Variants in DGCR8 observed in about 807,000 individuals in gnomAD.
The protein encoded by DGCR8 is DGCR8 microprocessor complex subunit.
Under a neutral mutation model 78.5 loss-of-function variants are expected in DGCR8, and 14 were observed. The ratio of observed to expected loss-of-function variants is 0.18; its 90% CI spans 0.12 to 0.28. The LOEUF (loss-of-function observed/expected upper bound fraction) is 0.28, where lower values mean the gene tolerates loss of function less well. Ranked by LOEUF, DGCR8 falls within the 10% of genes least tolerant of loss-of-function variation. The probability of loss-of-function intolerance (pLI) is 1.00; values close to 1 mark genes in which losing one functional copy is unlikely to be tolerated. For synonymous variants in DGCR8, 399 were observed against 402.4 expected (o/e 0.99, Z 0.10); for missense variants, 702 against 1,022.5 (o/e 0.69, Z 4.28).
chr22:20,095,058 G>GTAC (rs1006691745), intron 9 of DGCR8, among the ~76,000 whole-genome samples: 280 of 152,264 alleles, frequency 1.8e-3, no homozygotes, highest in African/African-American at 6.6e-3. Flanking sequence ...TAAATGTCGG[G>GTAC]TACACATAGG....
chr22:20,107,702 G>T, intron 12 of DGCR8: 1 of 408,674 alleles, frequency 2.4e-6, no homozygotes, highest in Non-Finnish European at 4.6e-6. Flanking sequence ...GATGCTGAAG[G>T]TGCGCCCGGC....
intron 8 of DGCR8, among the ~76,000 whole-genome samples, chr22:20,093,766 C>T (rs954372694): frequency 1.1e-4 from 16 of 152,328 alleles, no homozygotes; most frequent in Non-Finnish European, 1.5e-4. Context: ...ATGCCCTTGC[C>T]GTTTGCATTC....
chr22:20,101,194 C>A (rs1040524725), intron 9 of DGCR8: 3 of 984,848 alleles, frequency 3.0e-6, no homozygotes, highest in Non-Finnish European at 3.6e-6. Flanking sequence ...GAGAGAAGAC[C>A]GTGTGTTTTT....
chr22:20,093,296 T>G (rs1184677752), intron 8 of DGCR8, among the ~76,000 whole-genome samples: 1 of 151,888 alleles, frequency 6.6e-6, no homozygotes, highest in African/African-American at 2.4e-5. Flanking sequence ...TCTCAGCTAC[T>G]CGGGAGGCTG....
At chr22:20,092,721 G>A in intron 7 of DGCR8, 88 bp from the exon 8 acceptor site, 1 of 1,158,624 alleles carries the variant, frequency 8.6e-7, no homozygotes, top group African/African-American at 1.5e-5. Flanking sequence ...GCCCCTGACT[G>A]CGCCTTGTCT....
Position 20,108,996 on chromosome 22 carries a change from A to G in DGCR8, c.2231A>G (p.Glu744Gly). The change falls in exon 13 of 14, where the codon GAG becomes GGG. Residue 744 changes from glutamate (E) to glycine (G), a missense_variant. Coordinates refer to ENST00000351989, the MANE Select transcript of DGCR8 (RefSeq NM_022720.7). ...CAAGAGGAGATGAAGAGGCTAGCTGAGGAAAGGGTGAGTGCCACCCTAGCG... is the reference window on the plus strand; with the variant it reads ...CAAGAGGAGATGAAGAGGCTAGCTGGGGAAAGGGTGAGTGCCACCCTAGCG... Reference protein sequence around the residue: ...KLQEEMKRLAEEREETRKKPK... With the variant: ...KLQEEMKRLAGEREETRKKPK... 6.3e-7 allele frequency: 1 copy of G among 1,586,488 alleles called. No individual in the cohort carries two copies. Among genetic ancestry groups the G allele is most frequent in the Non-Finnish European group, 8.7e-7 (1 of 1,155,586 alleles).
At position 20,107,408 on chromosome 22, in the gene DGCR8, C is replaced by T. The variant is rs767018245; in HGVS notation, c.2124+10C>T. The T allele has an allele frequency of 1.9e-6, 3 of 1,613,896 alleles. No individual in the cohort carries two copies. The South Asian group carries it at 3.3e-5, about 18-fold the overall frequency. Reference sequence around the variant, plus strand: ...CAAGATGGTCAAGCAGGTAACTGGCCATCAGCAGGTCCCAGGGCAGCCTGT... The same window carrying T: ...CAAGATGGTCAAGCAGGTAACTGGCTATCAGCAGGTCCCAGGGCAGCCTGT... On this transcript the variant is annotated intron_variant, in intron 12 of 13. Coordinates refer to ENST00000351989, the MANE Select transcript of DGCR8 (RefSeq NM_022720.7).
intron 1 of DGCR8, among the ~76,000 whole-genome samples, chr22:20,083,573 C>G (rs2049441909): frequency 6.6e-6 from 1 of 152,108 alleles, no homozygotes; most frequent in South Asian, 2.1e-4. Context: ...AACGTCTACT[C>G]TAGCTGCTTC....
At chr22:20,108,797 G>C in intron 12 of DGCR8, 93 bp from the exon 13 acceptor site, 1 of 250,784 alleles carries the variant, frequency 4.0e-6, no homozygotes, top group Non-Finnish European at 7.0e-6. Context: ...GGGCGCGCCT[G>C]CCTTCAGGGT....
rs946962233 is a variant in DGCR8, at chr22:20,111,350, C to T, written c.*1242C>T. On this transcript the variant is annotated 3_prime_UTR_variant, in exon 14 of 14. Transcript: ENST00000351989. The stretch of plus-strand genomic sequence containing the variant: ...TGTCCCCCACCATGCCCCCTACAGG[C>T]GGTACTGATGGCGCTTTTTTTTTTT... The T allele has an allele frequency of 8.9e-5, 35 of 395,428 alleles. No individual in the cohort carries two copies. The highest frequency in any genetic ancestry group is 6.3e-4 in the Middle Eastern group (1 of 1,598). 24.5% of individuals were successfully genotyped at this position (395,428 alleles called of 1,614,324 possible).
At chr22:20,080,436 C>G (rs981773575) in intron 1 of DGCR8, 53 bp downstream of exon 1, 6 of 979,278 alleles carry the variant, frequency 6.1e-6, no homozygotes, top group Non-Finnish European at 3.6e-6. Context: ...GCGCCGCGGC[C>G]TGCGCGAGGG....
intron 5 of DGCR8, among the ~76,000 whole-genome samples, chr22:20,091,018 T>C (rs2049551530): frequency 6.6e-6 from 1 of 152,084 alleles, no homozygotes. Flanking sequence ...TGCCTGGGTG[T>C]GTTGCTGACT....
In DGCR8 at chr22:20,091,828, G is replaced by T. The variant is rs370653105; in HGVS notation, c.1505-41G>T. 1.9e-6 allele frequency: 3 copies of T among 1,581,524 alleles called. No individual in the cohort carries two copies. The African/African-American group carries it at 4.0e-5, about 21-fold the overall frequency. Reference sequence around the variant, plus strand: ...ACAGGAAGCTGTGTGCTAGCTTGTGGCACTGCTTCACACTTGCTGAGATGG... The same window carrying T: ...ACAGGAAGCTGTGTGCTAGCTTGTGTCACTGCTTCACACTTGCTGAGATGG... On this transcript the variant is annotated intron_variant, in intron 6 of 13. Coordinates refer to ENST00000351989, the MANE Select transcript of DGCR8 (RefSeq NM_022720.7).
In DGCR8 at chr22:20,089,493, A is replaced by G. The variant is rs1043049134; in HGVS notation, c.881-176A>G. 6.6e-6 allele frequency among the ~76,000 whole-genome samples: 1 copy of G among 152,218 alleles called. No individual in the cohort carries two copies. The highest frequency in any genetic ancestry group is 1.9e-4 in the East Asian group (1 of 5,196). On this transcript the variant is annotated intron_variant, in intron 3 of 13. Transcript: ENST00000351989. The surrounding 1 kb of genome is among the most constrained non-coding windows in gnomAD (Gnocchi z 4.9). ...AAATTCCCACCTCAGGCCACATGCT[A>G]TCTGTCCTAGGCCTGGAGGCATAGC...
intron 8 of DGCR8, 31 bp from the exon 9 acceptor site, chr22:20,094,682 A>G (rs1309867417): frequency 1.2e-6 from 2 of 1,601,234 alleles, no homozygotes; most frequent in African/African-American, 1.3e-5. Flanking sequence ...GCAGTGCCCA[A>G]GCCTCACCCT....
rs1450137492 is a variant in DGCR8, at chr22:20,107,394, A to G, written c.2120A>G (p.Lys707Arg). 6.2e-7 allele frequency: 1 copy of G among 1,614,086 alleles called. No homozygotes were observed. Among genetic ancestry groups the G allele is most frequent in the Non-Finnish European group, 8.5e-7 (1 of 1,180,014 alleles). ...MYGRESSKMV[K>R]QETSDKSVIE... ...GGCCGTGAGAGCAGCAAGATGGTCA[A>G]GCAGGTAACTGGCCATCAGCAGGTC... The change falls in exon 12 of 14, where the codon AAG becomes AGG. Residue 707 changes from lysine to arginine, a missense_variant. Physicochemically the swap from Lys to Arg is conservative, Grantham distance 26. This residue lies in a region of DGCR8 where 225 missense variants were observed against 427.7 expected (regional missense o/e 0.53). Coordinates refer to ENST00000351989, the MANE Select transcript of DGCR8 (RefSeq NM_022720.7).
chr22:20,092,261 C>A (rs138362433), intron 7 of DGCR8, among the ~76,000 whole-genome samples: 2 of 152,166 alleles, frequency 1.3e-5, no homozygotes, highest in African/African-American at 4.8e-5. Flanking sequence ...AGCCTTATTG[C>A]GAGCAAGGCC....
intron 9 of DGCR8, among the ~76,000 whole-genome samples, chr22:20,105,440 A>G (rs9605065): frequency 0.41 from 62,495 of 152,084 alleles, 13,354 homozygotes; most frequent in East Asian, 0.67. Flanking sequence ...TGGGCTGGAT[A>G]GCATCTTCCT....
chr22:20,108,800 T>TTGCCAGACCC, intron 12 of DGCR8, 90 bp from the exon 13 acceptor site: 3 of 852,846 alleles, frequency 3.5e-6, no homozygotes, highest in South Asian at 1.3e-5. Context: ...CGCGCCTGCC[T>TTGCCAGACCC]TCAGGGTCCC....
Sources: allele counts gnomAD v4.1 joint callset (sites outside exome capture counted in the v4.1 genomes callset), GRCh38; gene constraint gnomAD v4.1.1; regional missense constraint gnomAD v4.1.1; non-coding constraint Gnocchi (gnomAD v3.1); transcripts MANE v1.5; gene names NCBI Gene and HGNC (gene_info 2026-07-23, HGNC 2026-07-21).